The following SLC16A12 variants were observed in gnomAD, a reference collection of about 807,000 sequenced individuals.
The protein encoded by SLC16A12 is solute carrier family 16 member 12, also known as monocarboxylate transporter 12.
SLC16A12 carries 17 observed loss-of-function variants against 42.4 expected under a neutral mutation model. The observed-to-expected ratio is 0.40, with a 90% CI of 0.27 to 0.60. The LOEUF (loss-of-function observed/expected upper bound fraction) is 0.60, where lower values mean the gene tolerates loss of function less well. SLC16A12 is among the 20% of genes least tolerant of loss of function. The pLI is 0.42. For synonymous variants in SLC16A12, 224 were observed against 229.4 expected (o/e 0.98, Z 0.21); for missense variants, 544 against 623.0 (o/e 0.87, Z 1.35).
At chr10:89,461,737 G>A (rs1011365910) in intron 3 of SLC16A12, among the ~76,000 whole-genome samples, 1 of 152,122 alleles carries the variant, frequency 6.6e-6, no homozygotes, top group African/African-American at 2.4e-5. Context: ...AAAAATTCTG[G>A]AGAAACACAC....
intron 2 of SLC16A12, among the ~76,000 whole-genome samples, chr10:89,554,083 A>AGAAGGAAGGAAGGAAGGAAGGAAGGAAG (rs1843789998): frequency 8.4e-4 from 45 of 53,258 alleles, no homozygotes; most frequent in South Asian, 3.0e-3. Context: ...AAAGAAAGAA[A>AGAAGGAAGGAAGGAAGGAAGGAAGGAAG]GAAAGAAAGA....
At chr10:89,519,011 G>A (rs1051154597) in intron 2 of SLC16A12, among the ~76,000 whole-genome samples, 1 of 152,144 alleles carries the variant, frequency 6.6e-6, no homozygotes, top group Non-Finnish European at 1.5e-5. Context: ...TAAGAATAGT[G>A]GTGGTTGCTA....
intron 2 of SLC16A12, among the ~76,000 whole-genome samples, chr10:89,492,183 T>C (rs927000831): frequency 1.3e-5 from 2 of 152,186 alleles, no homozygotes; most frequent in African/African-American, 4.8e-5. Context: ...TCAATTTCAA[T>C]ATTTTAAAGC....
intron 2 of SLC16A12, among the ~76,000 whole-genome samples, chr10:89,495,906 G>A (rs1468240465): frequency 6.6e-6 from 1 of 152,078 alleles, no homozygotes; most frequent in Non-Finnish European, 1.5e-5. Context: ...GTATTTCTTT[G>A]GCACCATTGT....
intron 2 of SLC16A12, among the ~76,000 whole-genome samples, chr10:89,527,075 T>G (rs758836672): frequency 7.9e-5 from 12 of 152,194 alleles, no homozygotes; most frequent in East Asian, 1.9e-4. Flanking sequence ...GGATAAAAAT[T>G]TATTTATTTT....
intron 7 of SLC16A12, 142 bp downstream of exon 7, chr10:89,435,918 T>C (rs1841775752): frequency 1.7e-6 from 2 of 1,190,428 alleles, no homozygotes; most frequent in Non-Finnish European, 2.4e-6. Flanking sequence ...ATGATGGTTT[T>C]GGGGGCTCTT....
intron 2 of SLC16A12, among the ~76,000 whole-genome samples, chr10:89,503,435 C>T (rs1321080626): frequency 6.6e-6 from 1 of 152,200 alleles, no homozygotes; most frequent in African/African-American, 2.4e-5. Flanking sequence ...TTAACCTGCC[C>T]AAGACCTCTC....
intron 2 of SLC16A12, among the ~76,000 whole-genome samples, chr10:89,528,369 C>CA (rs370697735): frequency 2.8e-4 from 43 of 152,062 alleles, no homozygotes; most frequent in African/African-American, 8.4e-4. Flanking sequence ...AGTAAAAGGC[C>CA]AAATTATTGT....
At chr10:89,529,232 T>C (rs1843502551) in intron 2 of SLC16A12, among the ~76,000 whole-genome samples, 1 of 152,158 alleles carries the variant, frequency 6.6e-6, no homozygotes, top group Non-Finnish European at 1.5e-5. Context: ...TTTCAGTAGA[T>C]AAATATGAAC....
At chr10:89,479,298 C>T (rs918526652) in intron 2 of SLC16A12, among the ~76,000 whole-genome samples, 3 of 152,226 alleles carry the variant, frequency 2.0e-5, no homozygotes, top group Admixed American at 1.3e-4. Flanking sequence ...TCACCTCACA[C>T]TCTTTCTCTT....
At chr10:89,540,979 T>C (rs1843711816) in intron 2 of SLC16A12, among the ~76,000 whole-genome samples, 1 of 151,344 alleles carries the variant, frequency 6.6e-6, no homozygotes, top group African/African-American at 2.4e-5. Flanking sequence ...TGGAGTGCAG[T>C]TGTACAATCT....
intron 2 of SLC16A12, among the ~76,000 whole-genome samples, chr10:89,490,869 C>A (rs1842836275): frequency 6.6e-6 from 1 of 152,126 alleles, no homozygotes. Context: ...ATCTTTAGGG[C>A]CTTTTCAAAA....
At chr10:89,447,205 G>A (rs1007220036) in intron 3 of SLC16A12, among the ~76,000 whole-genome samples, 1 of 152,168 alleles carries the variant, frequency 6.6e-6, no homozygotes, top group African/African-American at 2.4e-5. Flanking sequence ...CAACGAGACA[G>A]AAGGTTAACA....
In SLC16A12 at chr10:89,522,713, G is replaced by A. The variant is rs941234128; in HGVS notation, c.-47+11788C>T. Among the ~76,000 whole-genome samples, 167 of 152,270 alleles carry A rather than the reference G, an allele frequency of 1.1e-3. 2 individuals are homozygous for A. Among genetic ancestry groups the A allele is most frequent in the Non-Finnish European group, 5.9e-5 (4 of 68,026 alleles). On this transcript the variant is annotated intron_variant, in intron 2 of 7. Transcript: ENST00000371790. ...GTACACAGCTTTGCATCCTGGTTCT[G>A]CCTCTTAGTCACTCTATAACCTCAG... is the stretch of plus-strand genomic sequence containing the variant.
chr10:89,439,795 G>A (rs887587906), intron 5 of SLC16A12, among the ~76,000 whole-genome samples: 2 of 152,034 alleles, frequency 1.3e-5, no homozygotes, highest in African/African-American at 4.8e-5. Flanking sequence ...TTTTGGGCTG[G>A]GTGCAGTGGC....
chr10:89,532,449 G>GA (rs1843570130), intron 2 of SLC16A12, among the ~76,000 whole-genome samples: 1 of 152,106 alleles, frequency 6.6e-6, no homozygotes, highest in Non-Finnish European at 1.5e-5. Context: ...TTATCAGAGG[G>GA]AAAATCTTTC....
chr10:89,442,815 GAGTC>G (rs1290062257), intron 4 of SLC16A12, among the ~76,000 whole-genome samples: 1 of 152,070 alleles, frequency 6.6e-6, no homozygotes, highest in East Asian at 1.9e-4. Context: ...AAAGAAATAT[GAGTC>G]AGTGCCTAGA....
At chr10:89,543,729 G>A (rs1384291077) in intron 2 of SLC16A12, among the ~76,000 whole-genome samples, 1 of 152,160 alleles carries the variant, frequency 6.6e-6, no homozygotes, top group Non-Finnish European at 1.5e-5. Flanking sequence ...CAGCTACTTG[G>A]GAGGCTGAGG....
At chr10:89,535,219 ACT>A (rs1843634028) in intron 1 of SLC16A12, among the ~76,000 whole-genome samples, 1 of 151,624 alleles carries the variant, frequency 6.6e-6, no homozygotes, top group African/African-American at 2.4e-5. Flanking sequence ...CTGCCCAAAA[ACT>A]CGGCCGCAGC....
Sources: gnomAD v4.1 joint callset for allele counts (sites outside exome capture counted in the v4.1 genomes callset) on GRCh38, gnomAD v4.1.1 for gene constraint, MANE v1.5 for transcripts, NCBI Gene and HGNC (gene_info 2026-07-23, HGNC 2026-07-21) for gene names.